The following CSMD1 variants were observed in gnomAD, a reference collection of about 807,000 sequenced individuals.
CSMD1 encodes the protein CUB and Sushi multiple domains 1.
CSMD1 carries 213 observed loss-of-function variants against 417.5 expected under a neutral mutation model. The observed-to-expected ratio is 0.51, with a 90% CI of 0.46 to 0.57. The LOEUF is 0.57. CSMD1 is among the 20% of genes least tolerant of loss of function. CSMD1 has a pLI of 0.00. For missense variants in CSMD1, 6,923 were observed against 4,529.7 expected (o/e 1.53, Z -15.17); for synonymous variants, 2,862 against 1,736.8 (o/e 1.65, Z -16.11).
At chr8:4,192,956 T>A (rs890815993) in intron 3 of CSMD1, among the ~76,000 whole-genome samples, 1 of 152,244 alleles carries the variant, frequency 6.6e-6, no homozygotes, top group African/African-American at 2.4e-5. Flanking sequence ...CTACCCTTCC[T>A]ATTTTCATAA....
chr8:4,286,078 G>C (rs746377183), intron 3 of CSMD1, among the ~76,000 whole-genome samples: 6 of 152,050 alleles, frequency 3.9e-5, no homozygotes, highest in Non-Finnish European at 8.8e-5. Context: ...AATACAGCTG[G>C]AGAAATACAC....
chr8:4,772,257 A>C (rs765305879), intron 1 of CSMD1, among the ~76,000 whole-genome samples: 1 of 152,114 alleles, frequency 6.6e-6, no homozygotes, highest in Non-Finnish European at 1.5e-5. Flanking sequence ...CCTCTATCCT[A>C]AAAGTCAGCA....
intron 12 of CSMD1, among the ~76,000 whole-genome samples, chr8:3,454,504 A>T (rs558531307): frequency 6.6e-6 from 1 of 152,064 alleles, no homozygotes; most frequent in Admixed American, 6.6e-5. Context: ...TTAGGGCAGG[A>T]CTGGTGGTGA....
Position 3,795,417 on chromosome 8 carries a change from A to C in CSMD1, c.819-41375T>G, listed in dbSNP as rs1270611933. On this transcript the variant is annotated intron_variant, in intron 5 of 69. Transcript: ENST00000635120. ...AGATATCTATCATAGATATAGATAT[A>C]TATCTATCATAGATATAGATATATA... 1.1e-4 allele frequency among the ~76,000 whole-genome samples: 4 copies of C among 37,600 alleles called. 1 individual carries two copies. The highest frequency in any genetic ancestry group is 1.1e-3 in the Admixed American group (3 of 2,854). The allele number at this position is 37,600 out of a possible 152,430, so 24.7% of individuals were successfully genotyped here.
intron 3 of CSMD1, among the ~76,000 whole-genome samples, chr8:4,287,134 C>T (rs544287000): frequency 6.6e-6 from 1 of 152,204 alleles, no homozygotes; most frequent in Non-Finnish European, 1.5e-5. Context: ...AACACCTAGT[C>T]TGTTAATGTG....
Position 4,436,846 on chromosome 8 carries a change from A to C in CSMD1, c.303-16781T>G, listed in dbSNP as rs182052187. On this transcript the variant is annotated intron_variant, in intron 2 of 69. Coordinates refer to ENST00000635120, the MANE Select transcript of CSMD1 (RefSeq NM_033225.6). The stretch of plus-strand genomic sequence containing the variant: ...TAGCCATGTTGGTGCAAATGAGTGA[A>C]TCTCATCCTTTTTGTGGCTGAAGAG... 2.4e-3 allele frequency among the ~76,000 whole-genome samples: 371 copies of C among 152,274 alleles called. 4 individuals carry two copies. The highest frequency in any genetic ancestry group is 8.1e-3 in the African/African-American group (338 of 41,552).
intron 7 of CSMD1, among the ~76,000 whole-genome samples, chr8:3,695,591 G>A (rs773748120): frequency 2.6e-5 from 4 of 152,112 alleles, no homozygotes; most frequent in Non-Finnish European, 5.9e-5. Context: ...AAGGATGATA[G>A]TACTAGAGGA....
At chr8:4,447,634 G>A (rs577824331) in intron 2 of CSMD1, among the ~76,000 whole-genome samples, 6 of 152,232 alleles carry the variant, frequency 3.9e-5, no homozygotes, top group Non-Finnish European at 5.9e-5. Context: ...GTTCAAAGTC[G>A]ACAGGTTTAC....
chr8:4,083,357 G>A (rs966079383), intron 3 of CSMD1, among the ~76,000 whole-genome samples: 1 of 152,096 alleles, frequency 6.6e-6, no homozygotes, highest in African/African-American at 2.4e-5. Flanking sequence ...GCATTTCTCT[G>A]ATGGCCAGTG....
At chr8:4,307,043 G>T (rs1585200087) in intron 3 of CSMD1, among the ~76,000 whole-genome samples, 1 of 152,000 alleles carries the variant, frequency 6.6e-6, no homozygotes, top group South Asian at 2.1e-4. Flanking sequence ...CCACTGTGGG[G>T]TTTATGGTAT....
intron 46 of CSMD1, among the ~76,000 whole-genome samples, chr8:3,105,278 T>G (rs1047993134): frequency 5.3e-5 from 8 of 152,168 alleles, no homozygotes; most frequent in African/African-American, 1.9e-4. Flanking sequence ...GGTCCTGTCT[T>G]CCTAAATCGT....
chr8:3,191,392 G>A (rs1585609429), intron 33 of CSMD1, among the ~76,000 whole-genome samples: 1 of 152,146 alleles, frequency 6.6e-6, no homozygotes, highest in South Asian at 2.1e-4. Flanking sequence ...GGAGGCATAA[G>A]TTGCAGTGAG....
At chr8:3,422,822 A>T (rs1038408439) in intron 12 of CSMD1, among the ~76,000 whole-genome samples, 2 of 152,208 alleles carry the variant, frequency 1.3e-5, no homozygotes, top group East Asian at 3.9e-4. Flanking sequence ...GGCACTGGGA[A>T]GGTTGGTGTC....
intron 2 of CSMD1, among the ~76,000 whole-genome samples, chr8:4,540,113 T>C (rs1218843346): frequency 2.0e-5 from 3 of 152,166 alleles, no homozygotes; most frequent in African/African-American, 4.8e-5. Flanking sequence ...ATAAGCCCTA[T>C]GAATATATAA....
chr8:3,389,151 G>A (rs748114843), intron 17 of CSMD1, among the ~76,000 whole-genome samples: 1 of 152,142 alleles, frequency 6.6e-6, no homozygotes, highest in Non-Finnish European at 1.5e-5. Flanking sequence ...GGGTACATGT[G>A]CAGGTTTGTT....
intron 1 of CSMD1, among the ~76,000 whole-genome samples, chr8:4,762,878 C>G (rs1252006480): frequency 6.6e-6 from 1 of 152,136 alleles, no homozygotes; most frequent in Non-Finnish European, 1.5e-5. Flanking sequence ...ATTTATTAGG[C>G]ATCTCATTTA....
intron 50 of CSMD1, among the ~76,000 whole-genome samples, chr8:3,049,095 C>T (rs1461359955): frequency 1.3e-5 from 2 of 152,108 alleles, no homozygotes; most frequent in African/African-American, 2.4e-5. Context: ...ATGCTCGCGA[C>T]AACGTGGGGC....
At chr8:4,243,476 T>C (rs1585085534) in intron 3 of CSMD1, among the ~76,000 whole-genome samples, 1 of 152,238 alleles carries the variant, frequency 6.6e-6, no homozygotes, top group Middle Eastern at 3.4e-3. Context: ...AGCCAGTATG[T>C]CTACTCAAAA....
intron 2 of CSMD1, among the ~76,000 whole-genome samples, chr8:4,451,235 GA>G (rs1799126456): frequency 6.6e-6 from 1 of 152,136 alleles, no homozygotes; most frequent in African/African-American, 2.4e-5. Flanking sequence ...GGAGGCTAAG[GA>G]GGGAAGATGG....
Sources: allele counts gnomAD v4.1 joint callset (sites outside exome capture counted in the v4.1 genomes callset), GRCh38; gene constraint gnomAD v4.1.1; transcripts MANE v1.5; gene names NCBI Gene and HGNC (gene_info 2026-07-23, HGNC 2026-07-21).